Variants in LCAT observed in about 807,000 individuals in gnomAD.
The protein encoded by LCAT is lecithin-cholesterol acyltransferase, also known as phosphatidylcholine-sterol acyltransferase.
In LCAT, 15 loss-of-function variants were observed where a neutral mutation model predicts 41.0. The observed-to-expected ratio is 0.37, with a 90% CI of 0.24 to 0.56. The LOEUF is 0.56. Ranked by LOEUF, LCAT falls within the 20% of genes least tolerant of loss-of-function variation. LCAT has a pLI of 0.81. For synonymous variants in LCAT, 248 were observed against 245.4 expected (o/e 1.01, Z -0.10); for missense variants, 449 against 595.1 (o/e 0.75, Z 2.55).
rs773303978 is a variant in LCAT at position 67,942,559 on chromosome 16, G to A, written c.552C>T (p.Leu184=). 78 of 1,613,286 alleles carry A rather than the reference G, an allele frequency of 4.8e-5. No individual in the cohort carries two copies. Among genetic ancestry groups the A allele is most frequent in the Non-Finnish European group, 6.4e-5 (76 of 1,179,972 alleles). Residue 184 remains leucine, a synonymous_variant, in exon 5 of 6, where the codon CTC becomes CTT. Transcript: ENST00000264005. This position sits in a 1 kb window ranked among gnomAD's most constrained non-coding sequence, Gnocchi z 6.6. The part of the protein sequence containing the change: ...PGQQEEYYRK[L]AGLVEEMHAA... The stretch of plus-strand genomic sequence containing the variant: ...CGTGCATCTCCTCCACCAGCCCTGC[G>A]AGCTTGCGGTAGTACTCCTCCTGCT...
Position 67,939,830 on chromosome 16 carries a change from C to A in LCAT, c.*74G>T. 1 of 1,564,994 alleles carries A rather than the reference C, an allele frequency of 6.4e-7. No individual in the cohort carries two copies. The highest frequency in any genetic ancestry group is 8.7e-7 in the Non-Finnish European group (1 of 1,152,904). On this transcript the variant is annotated 3_prime_UTR_variant, in exon 6 of 6. Transcript: ENST00000264005. ...GCCTGTGGCTGGTGAGGAGTGAAAC[C>A]TAGTGTGGGACTCTAGTGCCTCCCT...
chr16:67,940,510 C>T (rs1465368076), intron 5 of LCAT, 32 bp from the exon 6 acceptor site: 2 of 1,612,636 alleles, frequency 1.2e-6, no homozygotes, highest in Non-Finnish European at 1.7e-6. Context: ...GGACAGGGAG[C>T]CAGGCCTGGC....
chr16:67,940,833 TAC>T, intron 5 of LCAT: 16 of 89,910 alleles, frequency 1.8e-4, no homozygotes, highest in South Asian at 6.7e-4. Context: ...ACCCTGTCTC[TAC>T]AAAAAAAAAA....
chr16:67,943,752 G>A lies in LCAT; in HGVS notation c.154+196C>T. The A allele has an allele frequency of 1.7e-6, 1 of 604,112 alleles. No homozygotes were observed. The highest frequency in any genetic ancestry group is 2.3e-5 in the South Asian group (1 of 43,414). 37.4% of individuals were successfully genotyped at this position (604,112 alleles called of 1,614,324 possible). Reference sequence around the variant, plus strand: ...TCCGCCCCCCCTGGGTTAGACAACTGAGAGTCACAGTGTGGTGGGAGAAGG... The same window carrying A: ...TCCGCCCCCCCTGGGTTAGACAACTAAGAGTCACAGTGTGGTGGGAGAAGG... On this transcript the variant is annotated intron_variant, in intron 1 of 5. Coordinates refer to ENST00000264005, the MANE Select transcript of LCAT (RefSeq NM_000229.2). The surrounding 1 kb of genome is among the most constrained non-coding windows in gnomAD (Gnocchi z 4.6).
Position 67,939,916 on chromosome 16 carries a change from C to T in LCAT, c.1311G>A (p.Pro437=), listed in dbSNP as rs1041969883. The T allele has an allele frequency of 6.8e-6, 11 of 1,612,402 alleles. No homozygotes were observed. The highest frequency in any genetic ancestry group is 9.3e-6 in the Non-Finnish European group (11 of 1,179,368). Residue 437 remains proline (P), a synonymous_variant, in exon 6 of 6, where the codon CCG becomes CCA. Transcript: ENST00000264005. ...PASPTASPEP[P]PPE ...CAAAGGAAGGTCTTTATTCAGGAGG[C>T]GGGGGCTCTGGGCTGGCAGTCGGGG...
chr16:67,941,583 C>T (rs1307758427), intron 5 of LCAT: 2 of 966,350 alleles, frequency 2.1e-6, no homozygotes, highest in African/African-American at 1.8e-5. Context: ...CGCCACTGCA[C>T]TCCAGCCTGG....
Position 67,940,153 on chromosome 16 carries a change from C to G in LCAT, c.1074G>C (p.Thr358=). Residue 358 remains threonine, a synonymous_variant, in exon 6 of 6, where the codon ACG becomes ACC. Transcript: ENST00000264005. The stretch of plus-strand genomic sequence containing the variant: ...CCTCATAGAGCACACCCACAGGGTC[C>G]GTGTAGGGGAAGCCGTGGTCGTAGA... ...TYIYDHGFPY[T]DPVGVLYEDG... The G allele has an allele frequency of 1.2e-6, 2 of 1,613,550 alleles. No individual in the cohort carries two copies. Among genetic ancestry groups the G allele is most frequent in the Non-Finnish European group, 1.7e-6 (2 of 1,179,998 alleles).
At chr16:67,941,658 T>C in intron 5 of LCAT, 1 of 980,952 alleles carries the variant, frequency 1.0e-6, no homozygotes, top group South Asian at 4.7e-5. Flanking sequence ...AGGACCAGGG[T>C]GTGTGGGGAT....
At position 67,940,189 on chromosome 16, in the gene LCAT, GGGCGTGGGCAGGCCCACGCCGT is replaced by G; in HGVS notation, c.1016_1037del (p.Tyr339SerfsTer64). On this transcript the variant is annotated frameshift_variant, in exon 6 of 6. Transcript: ENST00000264005. LOFTEE classifies it high-confidence loss of function. ...AGCCGTGGTCGTAGATGTAGGTGCG[GGGCGTGGGCAGGCCCACGCCGT>G]AAAGACAGTATACTTCCACACCAGG... 1 of 1,612,780 alleles carries G rather than the reference GGGCGTGGGCAGGCCCACGCCGT, an allele frequency of 6.2e-7. No homozygotes were observed. Among genetic ancestry groups the G allele is most frequent in the Non-Finnish European group, 8.5e-7 (1 of 1,179,918 alleles).
Position 67,940,382 on chromosome 16 carries a change from G to A in LCAT, c.845C>T (p.Ala282Val), listed in dbSNP as rs1221945564. The change falls in exon 6 of 6, where the codon GCG becomes GTG. Residue 282 changes from alanine (A) to valine (V), a missense_variant. Ala to Val is a moderately conservative substitution (Grantham distance 64, BLOSUM62 0). Transcript: ENST00000264005. Reference protein sequence around the residue: ...TSPWMFPSRMAWPEDHVFIST... With the variant: ...TSPWMFPSRMVWPEDHVFIST... The stretch of plus-strand genomic sequence containing the variant: ...AATGAACACGTGGTCCTCAGGCCAC[G>A]CCATGCGAGAGGGAAACATCCAGGG... 6.2e-6 allele frequency: 10 copies of A among 1,614,130 alleles called. No homozygotes were observed. The highest frequency in any genetic ancestry group is 3.3e-4 in the Middle Eastern group (2 of 6,062).
chr16:67,940,470 G>C lies in LCAT; in HGVS notation c.757C>G (p.Gln253Glu). The C allele has an allele frequency of 6.2e-7, 1 of 1,613,970 alleles. No homozygotes were observed. The highest frequency in any genetic ancestry group is 1.1e-5 in the South Asian group (1 of 91,080). The part of the protein sequence containing the change: ...PMLVLASGDN[Q>E]GIPIMSSIKL... Reference sequence around the variant, plus strand: ...ATGCTGGACATGATGGGGATGCCCTGGTTGTCACCTGTGGATATGGAGCAA... The same window carrying C: ...ATGCTGGACATGATGGGGATGCCCTCGTTGTCACCTGTGGATATGGAGCAA... The change falls in exon 6 of 6, where the codon CAG (glutamine) becomes GAG (glutamate). Residue 253 changes from glutamine (Q) to glutamate (E), a missense_variant. Gln to Glu is a conservative substitution (Grantham distance 29). Transcript: ENST00000264005.
chr16:67,941,424 C>G (rs569248567), intron 5 of LCAT: 1 of 158,818 alleles, frequency 6.3e-6, no homozygotes, highest in Non-Finnish European at 1.4e-5. Context: ...GAGTTTGAGA[C>G]CAGCCTGGGC....
In LCAT at chr16:67,939,918, G is replaced by C. The variant is rs2058282971; in HGVS notation, c.1309C>G (p.Pro437Ala). The C allele has an allele frequency of 3.7e-6, 6 of 1,612,818 alleles. No individual in the cohort carries two copies. The highest frequency in any genetic ancestry group is 5.1e-6 in the Non-Finnish European group (6 of 1,179,490). ...PASPTASPEPPPPE is the reference protein window; with the variant it reads ...PASPTASPEPAPPE ...AAGGAAGGTCTTTATTCAGGAGGCG[G>C]GGGCTCTGGGCTGGCAGTCGGGGAT... The change falls in exon 6 of 6, where the codon CCG becomes GCG. Residue 437 changes from proline (P) to alanine (A), a missense_variant. Physicochemically the swap from Pro to Ala is conservative, Grantham distance 27. Transcript: ENST00000264005.
chr16:67,940,944 A>T (rs2058288105), intron 5 of LCAT: 2 of 191,238 alleles, frequency 1.0e-5, no homozygotes, highest in African/African-American at 4.7e-5. Context: ...ATTTGAGGTT[A>T]CAGTAAACTA....
At position 67,939,868 on chromosome 16, in the gene LCAT, A is replaced by T; in HGVS notation, c.*36T>A. 1 of 1,596,154 alleles carries T rather than the reference A, an allele frequency of 6.3e-7. No individual in the cohort carries two copies. The highest frequency in any genetic ancestry group is 8.6e-7 in the Non-Finnish European group (1 of 1,168,910). On this transcript the variant is annotated 3_prime_UTR_variant, in exon 6 of 6. Transcript: ENST00000264005. ...CTAGTGCCTCCCTTCAACCTGAAAC[A>T]TAGCCATCAGGGCTTACGGTAGCAA...
chr16:67,940,186 G>A lies in LCAT; in HGVS notation c.1041C>T (p.Arg347=), dbSNP rs1366703128. The A allele has an allele frequency of 1.9e-6, 3 of 1,612,466 alleles. No individual in the cohort carries two copies. The East Asian group carries it at 6.7e-5, about 36-fold the overall frequency. The change falls in exon 6 of 6, where the codon CGC becomes CGT. Residue 347 remains arginine (R), a synonymous_variant. Coordinates refer to ENST00000264005, the MANE Select transcript of LCAT (RefSeq NM_000229.2). ...CLYGVGLPTP[R]TYIYDHGFPY... is the part of the protein sequence containing the mutation. ...GGAAGCCGTGGTCGTAGATGTAGGT[G>A]CGGGGCGTGGGCAGGCCCACGCCGT...
At position 67,940,424 on chromosome 16, in the gene LCAT, C is replaced by T. The variant is rs780824776; in HGVS notation, c.803G>A (p.Arg268His). ...CATCCAGGGGGAGGTGGTGGTTATG[C>T]GCTGCTCCTCTTTCAGCTTGATGCT... Reference protein sequence around the residue: ...MSSIKLKEEQRITTTSPWMFP... With the variant: ...MSSIKLKEEQHITTTSPWMFP... Residue 268 changes from arginine to histidine, a missense_variant, in exon 6 of 6, where the codon CGC becomes CAC. Coordinates refer to ENST00000264005, the MANE Select transcript of LCAT (RefSeq NM_000229.2). The T allele has an allele frequency of 1.5e-5, 25 of 1,614,000 alleles. No homozygotes were observed. Among genetic ancestry groups the T allele is most frequent in the African/African-American group, 5.3e-5 (4 of 74,918 alleles).
chr16:67,940,146 C>G lies in LCAT; in HGVS notation c.1081G>C (p.Val361Leu). 1 of 1,613,594 alleles carries G rather than the reference C, an allele frequency of 6.2e-7. No homozygotes were observed. Among genetic ancestry groups the G allele is most frequent in the Non-Finnish European group, 8.5e-7 (1 of 1,180,016 alleles). Residue 361 changes from valine to leucine, a missense_variant, in exon 6 of 6, where the codon GTG becomes CTG. By Grantham distance (32) the Val-to-Leu change is conservative (BLOSUM62 1). Coordinates refer to ENST00000264005, the MANE Select transcript of LCAT (RefSeq NM_000229.2). ...YDHGFPYTDP[V>L]GVLYEDGDDT... ...TCACCATCCTCATAGAGCACACCCA[C>G]AGGGTCCGTGTAGGGGAAGCCGTGG... is the stretch of plus-strand genomic sequence containing the variant.
intron 5 of LCAT, chr16:67,941,541 G>T: frequency 1.4e-6 from 1 of 705,922 alleles, no homozygotes; most frequent in African/African-American, 1.9e-5. Flanking sequence ...GGATTGCTTG[G>T]GCCAGGGAGA....
Sources: gnomAD v4.1 joint callset for allele counts on GRCh38, gnomAD v4.1.1 for gene constraint, Gnocchi (gnomAD v3.1) non-coding constraint, MANE v1.5 for transcripts, NCBI Gene and HGNC (gene_info 2026-07-23, HGNC 2026-07-21) for gene names.